DPP10: variants seen among roughly 807,000 people sequenced by gnomAD.
DPP10 encodes inactive dipeptidyl peptidase 10.
In DPP10, 33 loss-of-function variants were observed where a neutral mutation model predicts 120.9. That is an observed-to-expected ratio of 0.27 (90% CI 0.21 to 0.37). The LOEUF (loss-of-function observed/expected upper bound fraction) is 0.37. Among genes scored for constraint, DPP10 ranks in the 10% least tolerant of loss-of-function variants. DPP10 has a pLI of 1.00. For missense variants in DPP10, 816 were observed against 942.8 expected, an observed-to-expected ratio of 0.87 and a Z score of 1.76; for synonymous variants, 337 against 326.1, an observed-to-expected ratio of 1.03 and a Z score of -0.36.
chr2:114,880,665 A>G (rs1210680107), intron 1 of DPP10, among the ~76,000 whole-genome samples: 2 of 152,166 alleles, frequency 1.3e-5, no homozygotes, highest in Non-Finnish European at 2.9e-5. Flanking sequence ...CAAAGACTGA[A>G]TTGTTGCTAA....
chr2:114,805,502 C>G (rs777284868), intron 1 of DPP10, among the ~76,000 whole-genome samples: 37 of 152,246 alleles, frequency 2.4e-4, no homozygotes, highest in Non-Finnish European at 4.4e-4. Context: ...GATGCTTGGC[C>G]CAGACACATA....
chr2:115,410,391 G>A (rs923784736), intron 3 of DPP10, among the ~76,000 whole-genome samples: 4 of 152,132 alleles, frequency 2.6e-5, no homozygotes, highest in Admixed American at 2.6e-4. Flanking sequence ...CAAAAACCAA[G>A]CACCCATGTT....
At chr2:115,819,091 G>A (rs893213690) in intron 21 of DPP10, among the ~76,000 whole-genome samples, 2 of 152,024 alleles carry the variant, frequency 1.3e-5, no homozygotes, top group Non-Finnish European at 2.9e-5. Flanking sequence ...CTCATAAAAC[G>A]GGTTGGAAAA....
chr2:115,528,948 G>A (rs1485515921), intron 5 of DPP10, among the ~76,000 whole-genome samples: 1 of 151,958 alleles, frequency 6.6e-6, no homozygotes, highest in Non-Finnish European at 1.5e-5. Flanking sequence ...TTATATAAAT[G>A]TCAATGTCCT....
chr2:115,282,552 GC>G (rs1453108879), intron 1 of DPP10, among the ~76,000 whole-genome samples: 4 of 151,970 alleles, frequency 2.6e-5, no homozygotes, highest in African/African-American at 4.8e-5. Flanking sequence ...ATAGAATAGG[GC>G]CTTTCACAAT....
chr2:115,010,178 CTG>C (rs1702159354), intron 1 of DPP10, among the ~76,000 whole-genome samples: 1 of 152,128 alleles, frequency 6.6e-6, no homozygotes, highest in African/African-American at 2.4e-5. Context: ...TGGTGACACA[CTG>C]TAAAAATGTG....
At chr2:114,909,660 A>T (rs975161999) in intron 1 of DPP10, among the ~76,000 whole-genome samples, 1 of 152,066 alleles carries the variant, frequency 6.6e-6, no homozygotes, top group Non-Finnish European at 1.5e-5. Context: ...TCAGAAGTCA[A>T]TGAGTTGGGA....
chr2:114,781,557 C>T (rs1201963455), intron 1 of DPP10, among the ~76,000 whole-genome samples: 1 of 152,016 alleles, frequency 6.6e-6, no homozygotes, highest in African/African-American at 2.4e-5. Flanking sequence ...TACAGAAGTC[C>T]ATATTGTTTT....
intron 1 of DPP10, among the ~76,000 whole-genome samples, chr2:114,879,081 A>C (rs748413483): frequency 2.6e-5 from 4 of 151,872 alleles, no homozygotes; most frequent in Non-Finnish European, 4.4e-5. Flanking sequence ...ACTTATTTAT[A>C]TCCTTTGGAT....
chr2:115,533,941 G>A (rs901236106), intron 5 of DPP10, among the ~76,000 whole-genome samples: 4 of 151,858 alleles, frequency 2.6e-5, no homozygotes, highest in African/African-American at 9.7e-5. Flanking sequence ...TTGGGTTAAG[G>A]CAAAAATTGA....
Position 115,087,094 on chromosome 2 carries a change from G to A in DPP10, c.61-222145G>A, listed in dbSNP as rs527274157. Among the ~76,000 whole-genome samples the A allele has an allele frequency of 5.9e-5, 9 of 152,238 alleles. No homozygotes were observed. The East Asian group carries it at 1.2e-3, about 20-fold the overall frequency. Reference sequence around the variant, plus strand: ...TGGCACTGTGTATTCCAAGTCGAGCGTATTCTTTAATGTGTTTTTATTTTG... The same window carrying A: ...TGGCACTGTGTATTCCAAGTCGAGCATATTCTTTAATGTGTTTTTATTTTG... On this transcript the variant is annotated intron_variant, in intron 1 of 25. Transcript: ENST00000410059.
At chr2:115,473,277 C>T (rs2105196351) in intron 3 of DPP10, among the ~76,000 whole-genome samples, 1 of 152,232 alleles carries the variant, frequency 6.6e-6, no homozygotes, top group South Asian at 2.1e-4. Flanking sequence ...GTAAGTTCAA[C>T]TTCTACTGGT....
chr2:115,043,607 C>T (rs1008601436), intron 1 of DPP10, among the ~76,000 whole-genome samples: 4 of 152,132 alleles, frequency 2.6e-5, no homozygotes, highest in Admixed American at 1.3e-4. Context: ...AAATTAACTG[C>T]GTTCTAGATT....
rs148319155 is a variant in DPP10, at chr2:115,228,577, C to A, written c.61-80662C>A. 6.8e-4 allele frequency among the ~76,000 whole-genome samples: 102 copies of A among 150,920 alleles called. 1 individual carries two copies. The East Asian group carries it at 0.018, about 27-fold the overall frequency. On this transcript the variant is annotated intron_variant, in intron 1 of 25. Transcript: ENST00000410059. Reference sequence around the variant, plus strand: ...ATTCTACTCTCTATCTCTGTAAGCTCAATTTTTTTTTAAAAAATTTAGTTT... The same window carrying A: ...ATTCTACTCTCTATCTCTGTAAGCTAAATTTTTTTTTAAAAAATTTAGTTT...
chr2:115,678,989 T>C (rs989228993), intron 5 of DPP10, among the ~76,000 whole-genome samples: 1 of 152,234 alleles, frequency 6.6e-6, no homozygotes, highest in African/African-American at 2.4e-5. Context: ...GAAATAGTTG[T>C]ATTTACCCAG....
intron 1 of DPP10, among the ~76,000 whole-genome samples, chr2:114,884,555 G>A (rs909127370): frequency 1.9e-4 from 29 of 151,934 alleles, no homozygotes; most frequent in African/African-American, 6.3e-4. Context: ...CCCCTTCCAC[G>A]TTTATGTTTT....
Position 115,641,663 on chromosome 2 carries a change from G to A in DPP10, c.442-48024G>A, listed in dbSNP as rs547904533. 1.1e-4 allele frequency among the ~76,000 whole-genome samples: 17 copies of A among 152,200 alleles called. No homozygotes were observed. In the South Asian group the frequency reaches 3.1e-3, roughly 28 times the overall value. ...GAAGTGCAAGCTCAATAAGGGTAAC[G>A]TCTTTGTCTTATATCCTCAGTTCCT... is the stretch of plus-strand genomic sequence containing the variant. On this transcript the variant is annotated intron_variant, in intron 5 of 25. Coordinates refer to ENST00000410059, the MANE Select transcript of DPP10 (RefSeq NM_020868.6).
chr2:114,974,417 C>CTTT (rs36001857), intron 1 of DPP10, among the ~76,000 whole-genome samples: 13 of 131,576 alleles, frequency 9.9e-5, no homozygotes, highest in East Asian at 9.0e-4. Flanking sequence ...CCTTTTTATC[C>CTTT]TTTTTTTTTT....
chr2:115,465,595 G>A (rs2074278977), intron 3 of DPP10, among the ~76,000 whole-genome samples: 1 of 152,174 alleles, frequency 6.6e-6, no homozygotes, highest in Admixed American at 6.5e-5. Context: ...GGCCAAGGCA[G>A]GTGTATCACC....
Sources: allele counts gnomAD v4.1 joint callset (sites outside exome capture counted in the v4.1 genomes callset), GRCh38; gene constraint gnomAD v4.1.1; transcripts MANE v1.5; gene names NCBI Gene and HGNC (gene_info 2026-07-23, HGNC 2026-07-21).